The following KSR1 variants were observed in gnomAD, a reference collection of about 807,000 sequenced individuals.
The protein encoded by KSR1 is kinase suppressor of ras.
A neutral mutation model predicts 92.9 loss-of-function variants in KSR1; 35 were observed. That is an observed-to-expected ratio of 0.38 (90% CI 0.29 to 0.50). The LOEUF (loss-of-function observed/expected upper bound fraction) is 0.50. Among genes scored for constraint, KSR1 ranks in the 20% least tolerant of loss-of-function variants. The pLI is 0.94. For missense variants in KSR1, 972 were observed against 1,158.5 expected (o/e 0.84, Z 2.34); for synonymous variants, 467 against 472.6 (o/e 0.99, Z 0.15).
chr17:27,577,771 G>A lies in KSR1; in HGVS notation c.520+132G>A. ...GGGGCAGCCTGGAAAGGCCAGGGTT[G>A]GATGTTCACAGCCTCCTGAGAAGCT... On this transcript the variant is annotated intron_variant, in intron 3 of 20. Coordinates refer to ENST00000644974, the MANE Select transcript of KSR1 (RefSeq NM_001394583.1). The surrounding 1 kb of genome is among the most constrained non-coding windows in gnomAD (Gnocchi z 4.5). 1 of 783,686 alleles carries A rather than the reference G, an allele frequency of 1.3e-6. No homozygotes were observed. Among genetic ancestry groups the A allele is most frequent in the Non-Finnish European group, 2.2e-6 (1 of 459,790 alleles). 48.5% of individuals were successfully genotyped at this position (783,686 alleles called of 1,614,324 possible).
At chr17:27,602,389 T>C (rs1784825287) in intron 11 of KSR1, among the ~76,000 whole-genome samples, 1 of 152,226 alleles carries the variant, frequency 6.6e-6, no homozygotes, top group East Asian at 1.9e-4. Context: ...AGCTCTAGGA[T>C]GCACGCAGGG....
Position 27,526,285 on chromosome 17 carries a change from T to G in KSR1, c.232-24283T>G. 3.8e-6 allele frequency: 3 copies of G among 783,118 alleles called. No individual in the cohort carries two copies. In the South Asian group the frequency reaches 5.6e-5, roughly 15 times the overall value. 48.5% of individuals were successfully genotyped at this position (783,118 alleles called of 1,614,324 possible). A position where few individuals can be genotyped will look rare whatever the true frequency, so the allele number is the denominator to read the frequency against. ...AAGTTAGTGACTACTACCACTCAAA[T>G]TTTCCTAGTTGTCGCTCTGTTACAG... On this transcript the variant is annotated intron_variant, in intron 1 of 20. Coordinates refer to ENST00000644974, the MANE Select transcript of KSR1 (RefSeq NM_001394583.1).
At chr17:27,609,141 G>C in intron 15 of KSR1, 55 bp from the exon 16 acceptor site, 1 of 1,573,632 alleles carries the variant, frequency 6.4e-7, no homozygotes, top group Non-Finnish European at 8.7e-7. Context: ...ATCCAGCCCA[G>C]GGTGGCACCT....
intron 2 of KSR1, among the ~76,000 whole-genome samples, chr17:27,575,744 G>A (rs1216677304): frequency 8.5e-5 from 13 of 152,166 alleles, no homozygotes; most frequent in Admixed American, 7.9e-4. Flanking sequence ...GAGAGGAAAG[G>A]GCACAAGTTT....
chr17:27,551,977 C>T (rs1159991352), intron 2 of KSR1, among the ~76,000 whole-genome samples: 4 of 152,190 alleles, frequency 2.6e-5, no homozygotes, highest in Non-Finnish European at 5.9e-5. Context: ...TGGCCTCTCT[C>T]GCCTCTGTTT....
At chr17:27,464,705 CAA>C (rs35895195) in intron 1 of KSR1, among the ~76,000 whole-genome samples, 2 of 137,958 alleles carry the variant, frequency 1.4e-5, no homozygotes, top group Admixed American at 7.2e-5. Flanking sequence ...GAACTTGACT[CAA>C]AAAAAAAAAA....
At chr17:27,502,817 T>TGACCTTGGGCCAAGCGAGTGGC (rs1407468084) in intron 1 of KSR1, among the ~76,000 whole-genome samples, 2 of 152,238 alleles carry the variant, frequency 1.3e-5, no homozygotes, top group African/African-American at 4.8e-5. Flanking sequence ...GGGGCCAGGA[T>TGACCTTGGGCCAAGCGAGTGGC]GACCTTGGGC....
At chr17:27,582,477 C>T (rs142903451) in intron 3 of KSR1, among the ~76,000 whole-genome samples, 169 bp from the exon 4 acceptor site, 33 of 152,232 alleles carry the variant, frequency 2.2e-4, no homozygotes, top group Middle Eastern at 3.4e-3. Flanking sequence ...ATAATGTGTG[C>T]GCATGAGTGA....
chr17:27,462,774 C>T (rs536282509), intron 1 of KSR1, among the ~76,000 whole-genome samples: 1 of 152,308 alleles, frequency 6.6e-6, no homozygotes, highest in African/African-American at 2.4e-5. Context: ...ACCCATAATG[C>T]CACCTCTCAG....
chr17:27,618,181 G>T (rs1269585410), intron 19 of KSR1, among the ~76,000 whole-genome samples: 1 of 151,694 alleles, frequency 6.6e-6, no homozygotes, highest in African/African-American at 2.4e-5. Context: ...CCTCTTATGG[G>T]GACCACAGTC....
chr17:27,484,440 C>A lies in KSR1; in HGVS notation c.231+27566C>A, dbSNP rs554673883. Among the ~76,000 whole-genome samples the A allele has an allele frequency of 2.0e-3, 303 of 152,304 alleles. 2 individuals carry two copies. The highest frequency in any genetic ancestry group is 3.6e-3 in the Non-Finnish European group (242 of 68,018). On this transcript the variant is annotated intron_variant, in intron 1 of 20. Transcript: ENST00000644974. ...AGAGACGGAGTTTCACCATGTTGCCCAAGCTGGTCTTGAACTCCTGGCCTC... is the reference window on the plus strand; with the variant it reads ...AGAGACGGAGTTTCACCATGTTGCCAAAGCTGGTCTTGAACTCCTGGCCTC...
intron 1 of KSR1, among the ~76,000 whole-genome samples, chr17:27,528,369 G>A (rs2070399505): frequency 6.6e-6 from 1 of 152,164 alleles, no homozygotes; most frequent in Non-Finnish European, 1.5e-5. Flanking sequence ...GCCTGGCCAA[G>A]TTAACACGTT....
intron 18 of KSR1, among the ~76,000 whole-genome samples, chr17:27,613,872 T>G (rs956771631): frequency 6.6e-6 from 1 of 152,228 alleles, no homozygotes; most frequent in Non-Finnish European, 1.5e-5. Flanking sequence ...GGCACGATCT[T>G]GGCTCACTGC....
intron 1 of KSR1, among the ~76,000 whole-genome samples, chr17:27,504,949 A>G (rs2069323739): frequency 6.6e-6 from 1 of 152,140 alleles, no homozygotes; most frequent in Non-Finnish European, 1.5e-5. Flanking sequence ...AAACGGGCAT[A>G]ATCTGGAAAG....
chr17:27,546,737 G>A (rs2071188421), intron 1 of KSR1, among the ~76,000 whole-genome samples: 1 of 152,172 alleles, frequency 6.6e-6, no homozygotes, highest in African/African-American at 2.4e-5. Context: ...GGTCTCACTG[G>A]GCGGGATGGA....
chr17:27,513,786 A>G lies in KSR1; in HGVS notation c.232-36782A>G, dbSNP rs1433073065. 2.0e-5 allele frequency among the ~76,000 whole-genome samples: 3 copies of G among 152,362 alleles called. No homozygotes were observed. The East Asian group carries it at 5.8e-4, about 29-fold the overall frequency. ...CAGAATACGGGAGTTGCATGTAGCC[A>G]GTGTCGGGGGCTGGTGAAGAAGGGT... On this transcript the variant is annotated intron_variant, in intron 1 of 20. Coordinates refer to ENST00000644974, the MANE Select transcript of KSR1 (RefSeq NM_001394583.1).
Position 27,602,479 on chromosome 17 carries a change from G to T in KSR1, c.1510+1078G>T, listed in dbSNP as rs534519314. ...CCCCCGAAGATATGTCACAGGGAGG[G>T]CAAGGAAATACATTTTTATTAAAGC... On this transcript the variant is annotated intron_variant, in intron 11 of 20. Transcript: ENST00000644974. Among the ~76,000 whole-genome samples, 84 of 152,348 alleles carry T rather than the reference G, an allele frequency of 5.5e-4. No individual in the cohort carries two copies. The South Asian group carries it at 0.017, about 30-fold the overall frequency.
intron 2 of KSR1, among the ~76,000 whole-genome samples, chr17:27,553,338 C>T (rs899061705): frequency 7.2e-5 from 11 of 152,212 alleles, no homozygotes; most frequent in East Asian, 1.9e-4. Context: ...TCTCAACAGC[C>T]TCCTGGGGAG....
chr17:27,543,134 G>A (rs866996739), intron 1 of KSR1, among the ~76,000 whole-genome samples: 12 of 152,242 alleles, frequency 7.9e-5, no homozygotes, highest in South Asian at 4.1e-4. Flanking sequence ...GAAGCCGCCC[G>A]TGGGAGCTCT....
Sources: allele counts gnomAD v4.1 joint callset (sites outside exome capture counted in the v4.1 genomes callset), GRCh38; gene constraint gnomAD v4.1.1; non-coding constraint Gnocchi (gnomAD v3.1); transcripts MANE v1.5; gene names NCBI Gene and HGNC (gene_info 2026-07-23, HGNC 2026-07-21).